LYN: variants seen among roughly 807,000 people sequenced by gnomAD.
LYN encodes the protein tyrosine-protein kinase Lyn.
A neutral mutation model predicts 65.0 loss-of-function variants in LYN; 12 were observed. That is an observed-to-expected ratio of 0.18 (90% CI 0.12 to 0.30). The LOEUF is 0.30. Ranked by LOEUF, LYN falls within the 10% of genes least tolerant of loss-of-function variation. The probability of loss-of-function intolerance (pLI) is 1.00; values close to 1 mark genes in which losing one functional copy is unlikely to be tolerated. For synonymous variants in LYN, 222 were observed against 221.2 expected (o/e 1.00, Z -0.03); for missense variants, 380 against 623.2 (o/e 0.61, Z 4.16).
intron 2 of LYN, among the ~76,000 whole-genome samples, chr8:55,943,035 G>A (rs927243723): frequency 2.4e-4 from 36 of 152,132 alleles, no homozygotes; most frequent in Admixed American, 2.6e-4. Context: ...TAGAGAAATA[G>A]CTGGACTAGA....
At chr8:55,978,041 C>T (rs1482930653) in intron 10 of LYN, among the ~76,000 whole-genome samples, 1 of 152,238 alleles carries the variant, frequency 6.6e-6, no homozygotes, top group African/African-American at 2.4e-5. Flanking sequence ...CCCAACCCCT[C>T]ACTAAAGCCA....
At chr8:55,966,107 A>C (rs1807448265) in intron 8 of LYN, among the ~76,000 whole-genome samples, 1 of 152,192 alleles carries the variant, frequency 6.6e-6, no homozygotes, top group Non-Finnish European at 1.5e-5. Context: ...CCTGGGCGAC[A>C]GAGCAAGACG....
chr8:55,981,040 C>T (rs959298461), intron 10 of LYN, among the ~76,000 whole-genome samples: 2 of 152,166 alleles, frequency 1.3e-5, no homozygotes, highest in Non-Finnish European at 2.9e-5. Flanking sequence ...TTCAGTGGGT[C>T]CCCACCACAC....
At chr8:55,995,094 A>G (rs1585675999) in intron 10 of LYN, among the ~76,000 whole-genome samples, 1 of 152,132 alleles carries the variant, frequency 6.6e-6, no homozygotes, top group African/African-American at 2.4e-5. Flanking sequence ...CCCAGCCGCC[A>G]CCAAAATTGC....
At chr8:55,903,808 G>T (rs112105166) in intron 1 of LYN, among the ~76,000 whole-genome samples, 18,520 of 152,224 alleles carry the variant, frequency 0.12, 1,513 homozygotes, top group Middle Eastern at 0.28. Context: ...GAGCCCAGGA[G>T]TTTGACACCA....
intron 1 of LYN, among the ~76,000 whole-genome samples, chr8:55,899,477 C>T (rs1418199045): frequency 6.6e-6 from 1 of 152,102 alleles, no homozygotes; most frequent in Non-Finnish European, 1.5e-5. Context: ...AATGTAAACG[C>T]AGGAATAAGA....
At chr8:55,964,312 C>T (rs899135548) in intron 8 of LYN, among the ~76,000 whole-genome samples, 1 of 152,052 alleles carries the variant, frequency 6.6e-6, no homozygotes, top group Non-Finnish European at 1.5e-5. Flanking sequence ...GATCCTCCTG[C>T]CTCTCAAAGT....
intron 8 of LYN, among the ~76,000 whole-genome samples, chr8:55,964,417 A>G (rs868540): frequency 1.3e-5 from 2 of 152,190 alleles, no homozygotes; most frequent in Non-Finnish European, 2.9e-5. Flanking sequence ...ATACAAAATA[A>G]AACATTTTAA....
intron 1 of LYN, among the ~76,000 whole-genome samples, chr8:55,882,022 G>T (rs1042352266): frequency 3.9e-5 from 6 of 152,200 alleles, no homozygotes; most frequent in African/African-American, 1.4e-4. Flanking sequence ...CCTTTCTGTT[G>T]TGGTTTCTAA....
At chr8:55,891,026 G>A (rs576484628) in intron 1 of LYN, among the ~76,000 whole-genome samples, 1 of 150,982 alleles carries the variant, frequency 6.6e-6, no homozygotes, top group South Asian at 2.2e-4. Context: ...ACCGTGCCCA[G>A]CCATACAATG....
intron 10 of LYN, among the ~76,000 whole-genome samples, chr8:55,986,015 C>T (rs1808063624): frequency 1.3e-5 from 2 of 151,926 alleles, no homozygotes; most frequent in South Asian, 4.2e-4. Flanking sequence ...AAAAAATAAA[C>T]AAAATTAGTT....
At chr8:55,902,603 C>CA (rs35994270) in intron 1 of LYN, 3,441 of 299,374 alleles carry the variant, frequency 0.011, no homozygotes, top group East Asian at 0.027. Context: ...ATATAGCATA[C>CA]AAAAAAAAAA....
At chr8:55,906,477 C>T (rs954149385) in intron 1 of LYN, among the ~76,000 whole-genome samples, 1 of 152,062 alleles carries the variant, frequency 6.6e-6, no homozygotes, top group African/African-American at 2.4e-5. Context: ...CACCTTCAGC[C>T]TCCCAAGTAG....
In LYN at chr8:55,996,982, G is replaced by A. The variant is rs149939350; in HGVS notation, c.1051-1364G>A. ...CTAAAAATACAAAAACTAGCATGGT[G>A]AAACCCCGTCTGTACTAAAAATACA... On this transcript the variant is annotated intron_variant, in intron 10 of 12. Transcript: ENST00000519728. Among the ~76,000 whole-genome samples the A allele has an allele frequency of 4.4e-3, 663 of 152,098 alleles. 4 individuals are homozygous for A. The highest frequency in any genetic ancestry group is 0.015 in the African/African-American group (626 of 41,482).
In LYN at chr8:55,925,821, T is replaced by C. The variant is rs559123237; in HGVS notation, c.-5-16034T>C. 4.7e-4 allele frequency among the ~76,000 whole-genome samples: 72 copies of C among 152,314 alleles called. 1 individual carries two copies. The highest frequency in any genetic ancestry group is 3.9e-3 in the South Asian group (19 of 4,826). Reference sequence around the variant, plus strand: ...TTTAATTTTTACAACTATATTTTTATAAAAGTAAATCATTATAGCTCATTG... The same window carrying C: ...TTTAATTTTTACAACTATATTTTTACAAAAGTAAATCATTATAGCTCATTG... On this transcript the variant is annotated intron_variant, in intron 1 of 12. Transcript: ENST00000519728.
chr8:55,986,440 A>G (rs1253854823), intron 10 of LYN, among the ~76,000 whole-genome samples: 1 of 152,242 alleles, frequency 6.6e-6, no homozygotes, highest in Non-Finnish European at 1.5e-5. Flanking sequence ...TGCAAGAGAA[A>G]GTAAATGGGT....
At chr8:55,968,480 C>T (rs911204887) in intron 9 of LYN, among the ~76,000 whole-genome samples, 1 of 152,186 alleles carries the variant, frequency 6.6e-6, no homozygotes, top group African/African-American at 2.4e-5. Context: ...TGGTCTTAAA[C>T]TCCCGACCTC....
chr8:55,912,930 T>C lies in LYN; in HGVS notation c.-5-28925T>C, dbSNP rs552812971. Among the ~76,000 whole-genome samples, 395 of 152,282 alleles carry C rather than the reference T, an allele frequency of 2.6e-3. 1 individual carries two copies. The highest frequency in any genetic ancestry group is 9.1e-3 in the African/African-American group (377 of 41,568). ...CCTTTACTTTACTTTTATATAGTAA[T>C]GAAATTTCATAATTAAATCTATATT... On this transcript the variant is annotated intron_variant, in intron 1 of 12. Coordinates refer to ENST00000519728, the MANE Select transcript of LYN (RefSeq NM_002350.4).
intron 1 of LYN, among the ~76,000 whole-genome samples, chr8:55,923,090 AG>A (rs1037857554): frequency 3.9e-5 from 6 of 152,154 alleles, no homozygotes; most frequent in African/African-American, 1.2e-4. Flanking sequence ...AGGATGACTG[AG>A]GGTTTGAGCC....
Sources: allele counts gnomAD v4.1 joint callset (sites outside exome capture counted in the v4.1 genomes callset), GRCh38; gene constraint gnomAD v4.1.1; transcripts MANE v1.5; gene names NCBI Gene and HGNC (gene_info 2026-07-23, HGNC 2026-07-21).